UBE2E3: variants seen among roughly 807,000 people sequenced by gnomAD.
UBE2E3 encodes the protein ubiquitin-conjugating enzyme E2 E3.
A neutral mutation model predicts 23.6 loss-of-function variants in UBE2E3; 5 were observed. That is an observed-to-expected ratio of 0.21 (90% CI 0.11 to 0.44). The LOEUF (loss-of-function observed/expected upper bound fraction) is 0.44. UBE2E3 is among the 20% of genes least tolerant of loss of function. UBE2E3 has a pLI of 0.99. For missense variants in UBE2E3, 81 were observed against 249.8 expected, an observed-to-expected ratio of 0.32 and a Z score of 4.55; for synonymous variants, 78 against 87.5, an observed-to-expected ratio of 0.89 and a Z score of 0.60.
chr2:181,002,826 C>T (rs957888412), intron 3 of UBE2E3, among the ~76,000 whole-genome samples: 1 of 152,036 alleles, frequency 6.6e-6, no homozygotes, highest in Non-Finnish European at 1.5e-5. Flanking sequence ...TCTTTTGTTC[C>T]CTCTTACCTC....
intron 3 of UBE2E3, among the ~76,000 whole-genome samples, chr2:181,041,251 A>AC (rs1244926112): frequency 6.6e-6 from 1 of 150,388 alleles, no homozygotes; most frequent in East Asian, 1.9e-4. Context: ...AAAAAAAAAA[A>AC]AAGATAGATT....
chr2:180,987,079 T>G (rs908902996), intron 3 of UBE2E3, among the ~76,000 whole-genome samples: 6 of 152,196 alleles, frequency 3.9e-5, no homozygotes, highest in Non-Finnish European at 8.8e-5. Flanking sequence ...ATAATGACGT[T>G]ATTTCCAGTG....
intron 3 of UBE2E3, among the ~76,000 whole-genome samples, chr2:180,987,032 G>C (rs1684493232): frequency 6.6e-6 from 1 of 152,150 alleles, no homozygotes; most frequent in African/African-American, 2.4e-5. Flanking sequence ...TATTTTGATA[G>C]CATTGATATT....
At chr2:181,037,484 G>C (rs1444188168) in intron 3 of UBE2E3, among the ~76,000 whole-genome samples, 1 of 151,946 alleles carries the variant, frequency 6.6e-6, no homozygotes, top group Non-Finnish European at 1.5e-5. Context: ...GTGAGCCTAG[G>C]CTAATGTGTA....
intron 3 of UBE2E3, among the ~76,000 whole-genome samples, chr2:180,988,410 A>G (rs769263840): frequency 2.0e-5 from 3 of 152,178 alleles, no homozygotes; most frequent in African/African-American, 7.2e-5. Flanking sequence ...GGCATAGATG[A>G]ACAAATATTG....
intron 2 of UBE2E3, among the ~76,000 whole-genome samples, chr2:180,982,896 C>G (rs568544819): frequency 1.3e-5 from 2 of 152,122 alleles, no homozygotes; most frequent in African/African-American, 4.8e-5. Flanking sequence ...GTCCTTGGGC[C>G]TCTTCACTCT....
At chr2:181,003,059 GT>G (rs1157724409) in intron 3 of UBE2E3, among the ~76,000 whole-genome samples, 1 of 152,210 alleles carries the variant, frequency 6.6e-6, no homozygotes, top group Non-Finnish European at 1.5e-5. Flanking sequence ...TGTGCTTTTT[GT>G]TTTGAGAGAG....
chr2:181,053,560 G>T (rs1019389189), intron 3 of UBE2E3, among the ~76,000 whole-genome samples: 1 of 150,342 alleles, frequency 6.7e-6, no homozygotes, highest in Non-Finnish European at 1.5e-5. Flanking sequence ...TTTCTGGGCA[G>T]TTTTAGGTTC....
At chr2:181,053,664 T>C (rs1284562924) in intron 3 of UBE2E3, among the ~76,000 whole-genome samples, 1 of 151,858 alleles carries the variant, frequency 6.6e-6, no homozygotes, top group South Asian at 2.1e-4. Flanking sequence ...AGTGGTATAG[T>C]TGTTACATTC....
intron 3 of UBE2E3, among the ~76,000 whole-genome samples, chr2:181,051,114 TTTC>T (rs1273007074): frequency 1.3e-5 from 2 of 151,908 alleles, no homozygotes; most frequent in Non-Finnish European, 2.9e-5. Flanking sequence ...GTTTTCATAC[TTTC>T]ACGGTGTATG....
At chr2:180,986,585 T>C (rs190830991) in intron 3 of UBE2E3, among the ~76,000 whole-genome samples, 1 of 152,282 alleles carries the variant, frequency 6.6e-6, no homozygotes, top group East Asian at 1.9e-4. Context: ...TTGTACAGTT[T>C]AAATTTATTA....
chr2:181,001,041 A>G (rs181045420), intron 3 of UBE2E3, among the ~76,000 whole-genome samples: 95 of 152,314 alleles, frequency 6.2e-4, no homozygotes, highest in African/African-American at 2.3e-3. Flanking sequence ...TGAGATGGAG[A>G]ATATGACACA....
intron 3 of UBE2E3, among the ~76,000 whole-genome samples, chr2:181,032,015 T>A (rs1049671107): frequency 6.6e-6 from 1 of 152,156 alleles, no homozygotes; most frequent in African/African-American, 2.4e-5. Flanking sequence ...TATTCTGCAA[T>A]GGAAAACCAG....
chr2:181,025,376 T>C (rs1278185312), intron 3 of UBE2E3, among the ~76,000 whole-genome samples: 1 of 143,194 alleles, frequency 7.0e-6, no homozygotes, highest in Non-Finnish European at 1.5e-5. Context: ...TGTCATAACA[T>C]TGATTTTGTC....
At chr2:181,055,780 G>A (rs893909563) in intron 3 of UBE2E3, among the ~76,000 whole-genome samples, 1 of 151,740 alleles carries the variant, frequency 6.6e-6, no homozygotes, top group African/African-American at 2.4e-5. Context: ...TTTGGTGTGG[G>A]AATCCAAGCT....
At chr2:181,017,347 C>T (rs920642084) in intron 3 of UBE2E3, among the ~76,000 whole-genome samples, 1 of 151,972 alleles carries the variant, frequency 6.6e-6, no homozygotes, top group Non-Finnish European at 1.5e-5. Context: ...AAAGGGGGCT[C>T]AGAAATGAAG....
At chr2:180,989,784 C>A (rs898681969) in intron 3 of UBE2E3, 3 of 1,278,200 alleles carry the variant, frequency 2.3e-6, no homozygotes, top group South Asian at 2.4e-5. Flanking sequence ...CAGCTACATG[C>A]TCACATAACC....
chr2:181,041,187 G>T (rs1038623097), intron 3 of UBE2E3, among the ~76,000 whole-genome samples: 11 of 133,348 alleles, frequency 8.2e-5, no homozygotes, highest in South Asian at 4.9e-4. Flanking sequence ...GGCAGAGGCT[G>T]CAGTGAGCCG....
intron 3 of UBE2E3, among the ~76,000 whole-genome samples, chr2:180,987,760 C>G (rs1684526577): frequency 6.6e-6 from 1 of 152,062 alleles, no homozygotes; most frequent in Admixed American, 6.6e-5. Context: ...CTGCTTTCTT[C>G]TGAGGGTTGC....
Sources: gnomAD v4.1 joint callset for allele counts (sites outside exome capture counted in the v4.1 genomes callset) on GRCh38, gnomAD v4.1.1 for gene constraint, MANE v1.5 for transcripts, NCBI Gene and HGNC (gene_info 2026-07-23, HGNC 2026-07-21) for gene names.